GPR39: variants seen among roughly 807,000 people sequenced by gnomAD.
GPR39 encodes the protein zinc sensing receptor.
In GPR39, 23 loss-of-function variants were observed where a neutral mutation model predicts 18.4. The ratio of observed to expected loss-of-function variants is 1.25; its 90% CI spans 0.90 to 1.77. GPR39 has a LOEUF of 1.77. Ranked by LOEUF, GPR39 falls within the 40% of genes most tolerant of loss-of-function variation. GPR39 has a pLI of 0.00. For missense variants in GPR39, 647 were observed against 602.4 expected (o/e 1.07, Z -0.78); for synonymous variants, 280 against 257.9 (o/e 1.09, Z -0.82).
intron 1 of GPR39, among the ~76,000 whole-genome samples, chr2:132,526,636 C>T (rs1296585273): frequency 1.3e-5 from 2 of 152,192 alleles, no homozygotes; most frequent in African/African-American, 4.8e-5. Context: ...GCTTAATACC[C>T]CACACTGCCC....
chr2:132,633,552 G>A (rs1182406760), intron 1 of GPR39, among the ~76,000 whole-genome samples: 1 of 152,088 alleles, frequency 6.6e-6, no homozygotes, highest in African/African-American at 2.4e-5. Flanking sequence ...CCATGAGTTT[G>A]GGATTGAGGA....
At chr2:132,512,519 G>A (rs1201246206) in intron 1 of GPR39, among the ~76,000 whole-genome samples, 1 of 152,174 alleles carries the variant, frequency 6.6e-6, no homozygotes, top group African/African-American at 2.4e-5. Flanking sequence ...CAGATCAGAG[G>A]TTGGGGATTC....
rs577541908 is a variant in GPR39 at position 132,491,623 on chromosome 2, T to G, written c.856+73725T>G. Among the ~76,000 whole-genome samples, 4 of 151,830 alleles carry G rather than the reference T, an allele frequency of 2.6e-5. No homozygotes were observed. In the South Asian group the frequency reaches 8.3e-4, roughly 32 times the overall value. ...CTGTGGAAGGGATTCAAGCAGAAAG[T>G]GGCAAGATCAGATTTGAGTTTTAGA... is the stretch of plus-strand genomic sequence containing the variant. On this transcript the variant is annotated intron_variant, in intron 1 of 1. Coordinates refer to ENST00000329321, the MANE Select transcript of GPR39 (RefSeq NM_001508.3).
Position 132,442,432 on chromosome 2 carries a change from A to G in GPR39, c.856+24534A>G, listed in dbSNP as rs115411644. Among the ~76,000 whole-genome samples, 1,183 of 152,244 alleles carry G rather than the reference A, an allele frequency of 7.8e-3. 17 individuals are homozygous for G. The highest frequency in any genetic ancestry group is 0.027 in the African/African-American group (1,102 of 41,542). The stretch of plus-strand genomic sequence containing the variant: ...GGGGCTCCTTTCCTGTAAAGAGCAC[A>G]CAGATGCTCTAAATGTCCGCTCCCT... On this transcript the variant is annotated intron_variant, in intron 1 of 1. Coordinates refer to ENST00000329321, the MANE Select transcript of GPR39 (RefSeq NM_001508.3).
chr2:132,535,292 CA>C (rs1234946072), intron 1 of GPR39, among the ~76,000 whole-genome samples: 1 of 152,172 alleles, frequency 6.6e-6, no homozygotes, highest in Non-Finnish European at 1.5e-5. Flanking sequence ...TGAGTTTTAT[CA>C]AAGTCCTTTT....
At chr2:132,441,307 C>T (rs1014465430) in intron 1 of GPR39, among the ~76,000 whole-genome samples, 1 of 152,024 alleles carries the variant, frequency 6.6e-6, no homozygotes, top group African/African-American at 2.4e-5. Context: ...CGCTGCATTT[C>T]AAAAGTTAGC....
chr2:132,420,343 CAA>C (rs1242900865), intron 1 of GPR39, among the ~76,000 whole-genome samples: 13 of 152,154 alleles, frequency 8.5e-5, no homozygotes, highest in Non-Finnish European at 1.8e-4. Context: ...CTAATTAACT[CAA>C]GTTAGGAAAT....
chr2:132,562,537 G>C (rs1680272339), intron 1 of GPR39, among the ~76,000 whole-genome samples: 1 of 152,040 alleles, frequency 6.6e-6, no homozygotes, highest in East Asian at 1.9e-4. Context: ...AATGCAATCT[G>C]TCCCCAGCCT....
chr2:132,496,363 G>A (rs1681641763), intron 1 of GPR39, among the ~76,000 whole-genome samples: 1 of 152,132 alleles, frequency 6.6e-6, no homozygotes, highest in Non-Finnish European at 1.5e-5. Flanking sequence ...CTAGGCATTT[G>A]AAGACACCTG....
At chr2:132,457,147 G>A (rs1049705960) in intron 1 of GPR39, among the ~76,000 whole-genome samples, 1 of 152,080 alleles carries the variant, frequency 6.6e-6, no homozygotes, top group African/African-American at 2.4e-5. Flanking sequence ...TTTTCACATA[G>A]TCCCATATTT....
At position 132,619,810 on chromosome 2, in the gene GPR39, TACACAC is replaced by T. The variant is rs1308693892; in HGVS notation, c.857-25289_857-25284del. Among the ~76,000 whole-genome samples the T allele has an allele frequency of 8.3e-5, 12 of 144,438 alleles. No individual in the cohort carries two copies. The East Asian group carries it at 2.4e-3, about 29-fold the overall frequency. 94.8% of individuals were successfully genotyped at this position (144,438 alleles called of 152,430 possible). A position where few individuals can be genotyped will look rare whatever the true frequency, so the allele number is the denominator to read the frequency against. On this transcript the variant is annotated intron_variant, in intron 1 of 1. Transcript: ENST00000329321. ...TTTATCCAAAGGCTCCTCCCCAACATACACACAGACACAGACACAGACACACACACA... is the reference window on the plus strand; with the variant it reads ...TTTATCCAAAGGCTCCTCCCCAACATAGACACAGACACAGACACACACACA...
At position 132,598,223 on chromosome 2, in the gene GPR39, G is replaced by A. The variant is rs147600315; in HGVS notation, c.857-46878G>A. Among the ~76,000 whole-genome samples, 1,185 of 152,254 alleles carry A rather than the reference G, an allele frequency of 7.8e-3. 23 individuals are homozygous for A. Among genetic ancestry groups the A allele is most frequent in the African/African-American group, 0.026 (1,067 of 41,554 alleles). On this transcript the variant is annotated intron_variant, in intron 1 of 1. Transcript: ENST00000329321. ...GATCTTATATTTAGTTAGTATCTAG[G>A]CACTGGCTGCTACATACAGATTGGT...
chr2:132,644,364 T>TGTTA (rs1681941839), intron 1 of GPR39, among the ~76,000 whole-genome samples: 1 of 152,228 alleles, frequency 6.6e-6, no homozygotes, highest in African/African-American at 2.4e-5. Flanking sequence ...GAAGGGAACA[T>TGTTA]GTTACTGGCT....
chr2:132,475,073 T>C (rs1471411579), intron 1 of GPR39, among the ~76,000 whole-genome samples: 1 of 152,128 alleles, frequency 6.6e-6, no homozygotes, highest in Non-Finnish European at 1.5e-5. Context: ...TAGGCCATCA[T>C]TCTGCTCATG....
chr2:132,584,465 T>C (rs1680686870), intron 1 of GPR39, among the ~76,000 whole-genome samples: 2 of 152,138 alleles, frequency 1.3e-5, no homozygotes, highest in South Asian at 4.2e-4. Context: ...GTCACTCCCA[T>C]AACTCCCTTA....
chr2:132,627,085 A>G (rs1383824798), intron 1 of GPR39, among the ~76,000 whole-genome samples: 1 of 148,282 alleles, frequency 6.7e-6, no homozygotes, highest in Non-Finnish European at 1.5e-5. Flanking sequence ...CTCCAGCAGA[A>G]TATTTTTTTT....
At chr2:132,501,054 G>GTTTTTTTTTTTTTTTTTTTTTTTGTTT (rs55720929) in intron 1 of GPR39, among the ~76,000 whole-genome samples, 4 of 90,326 alleles carry the variant, frequency 4.4e-5, no homozygotes, top group African/African-American at 1.2e-4. Context: ...TATCTTTTGT[G>GTTTTTTTTTTTTTTTTTTTTTTTGTTT]TTTTTTTTTT....
chr2:132,606,018 G>T (rs927147030), intron 1 of GPR39: 4 of 152,278 alleles, frequency 2.6e-5, no homozygotes, highest in Non-Finnish European at 5.9e-5. Flanking sequence ...TGAGAAGCAG[G>T]AGCCCAGGTG....
At chr2:132,556,587 G>T (rs748401551) in intron 1 of GPR39, among the ~76,000 whole-genome samples, 5 of 152,182 alleles carry the variant, frequency 3.3e-5, no homozygotes, top group South Asian at 4.1e-4. Context: ...TCAAATGCCA[G>T]GTCTGATTTT....
Sources: gnomAD v4.1 joint callset for allele counts (sites outside exome capture counted in the v4.1 genomes callset) on GRCh38, gnomAD v4.1.1 for gene constraint, MANE v1.5 for transcripts, NCBI Gene and HGNC (gene_info 2026-07-23, HGNC 2026-07-21) for gene names.